NXPE1: variants seen among roughly 807,000 people sequenced by gnomAD.
NXPE1 encodes NXPE family member 1.
In NXPE1, 31 loss-of-function variants were observed where a neutral mutation model predicts 33.3. The observed-to-expected ratio is 0.93, with a 90% CI of 0.70 to 1.26. NXPE1 has a LOEUF of 1.26. Among genes scored for constraint, NXPE1 ranks in the 50% most tolerant of loss-of-function variants. The pLI is 0.00. For missense variants in NXPE1, 661 were observed against 655.6 expected (o/e 1.01, Z -0.09); for synonymous variants, 229 against 231.4 (o/e 0.99, Z 0.09).
chr11:114,529,613 C>T (rs1947500819), intron 6 of NXPE1: 1 of 153,464 alleles, frequency 6.5e-6, no homozygotes, highest in Admixed American at 6.4e-5. Flanking sequence ...AAGGACTCCT[C>T]CACCCTGAGA....
At chr11:114,530,662 C>A (rs1483912189) in exon 6 of NXPE1, 1 of 1,614,180 alleles carries the variant, frequency 6.2e-7, no homozygotes, top group South Asian at 1.1e-5. Flanking sequence ...TCCAGCTGGT[C>A]TCCCCTGCAG....
intron 5 of NXPE1, among the ~76,000 whole-genome samples, chr11:114,535,079 T>C (rs1312369226): frequency 6.6e-6 from 1 of 152,196 alleles, no homozygotes; most frequent in African/African-American, 2.4e-5. Flanking sequence ...TAACAGCTGA[T>C]CTCTTGCCAG....
chr11:114,547,728 C>T (rs1948330841), intron 5 of NXPE1, among the ~76,000 whole-genome samples: 1 of 152,106 alleles, frequency 6.6e-6, no homozygotes, highest in Non-Finnish European at 1.5e-5. Flanking sequence ...GAGCAAGACT[C>T]TGTCTCAAAA....
chr11:114,522,481 A>ATGAAGATCAAAAAACTTCAGTGC lies in NXPE1; in HGVS notation c.1109-1_1130dup (p.His377GlnfsTer3), dbSNP rs1947243628. 1 of 1,602,584 alleles carries ATGAAGATCAAAAAACTTCAGTGC rather than the reference A, an allele frequency of 6.2e-7. No homozygotes were observed. Among genetic ancestry groups the ATGAAGATCAAAAAACTTCAGTGC allele is most frequent in the South Asian group, 1.1e-5 (1 of 89,280 alleles). On this transcript the variant is annotated stop_gained and frameshift_variant, in exon 9 of 9. Coordinates refer to ENST00000534921, the Ensembl canonical transcript of NXPE1. LOFTEE classifies it low-confidence loss of function (END_TRUNC). ...AATGTTTCTTAAAGATTCCAGTTTCATGAAGATCAAAAAACTTCAGTGCTG... is the reference window on the plus strand; with the variant it reads ...AATGTTTCTTAAAGATTCCAGTTTCATGAAGATCAAAAAACTTCAGTGCTGAAGATCAAAAAACTTCAGTGCTG...
intron 1 of NXPE1, chr11:114,554,002 A>G: frequency 4.1e-6 from 4 of 985,396 alleles, no homozygotes; most frequent in Non-Finnish European, 4.8e-6. Flanking sequence ...GTCCAATTGC[A>G]ATGTTTTTTC....
At chr11:114,527,975 A>G (rs1947432377) in intron 6 of NXPE1, 74 bp from the exon 7 acceptor site, 1 of 1,126,706 alleles carries the variant, frequency 8.9e-7, no homozygotes, top group Non-Finnish European at 1.3e-6. Context: ...TCTGCTTGTG[A>G]GTGAAGGAAA....
chr11:114,549,446 G>A (rs78349624), intron 5 of NXPE1, among the ~76,000 whole-genome samples: 10 of 151,974 alleles, frequency 6.6e-5, no homozygotes, highest in East Asian at 1.9e-4. Context: ...ATTTTGTTCC[G>A]TTTTTAATGT....
chr11:114,534,535 G>GA (rs1005069585), intron 5 of NXPE1, among the ~76,000 whole-genome samples: 2 of 151,902 alleles, frequency 1.3e-5, no homozygotes, highest in South Asian at 2.1e-4. Flanking sequence ...TAAAAACTTT[G>GA]AAAAAAAATT....
At chr11:114,536,465 C>T (rs925789746) in intron 5 of NXPE1, among the ~76,000 whole-genome samples, 3 of 152,022 alleles carry the variant, frequency 2.0e-5, no homozygotes, top group Admixed American at 6.6e-5. Context: ...AGACAAAAAA[C>T]CCTTCAAAAA....
At chr11:114,550,284 G>T (rs1258984278) in intron 5 of NXPE1, among the ~76,000 whole-genome samples, 1 of 152,114 alleles carries the variant, frequency 6.6e-6, no homozygotes, top group Non-Finnish European at 1.5e-5. Context: ...AAAGCCAAAA[G>T]TGTTGGGTGT....
chr11:114,551,173 G>A (rs78257939), exon 5 of NXPE1: 5 of 1,534,904 alleles, frequency 3.3e-6, no homozygotes, highest in East Asian at 2.4e-5. Flanking sequence ...GATCAGCAGC[G>A]TTTTTTGAAG....
chr11:114,524,705 G>A (rs1367554221), intron 7 of NXPE1, among the ~76,000 whole-genome samples: 1 of 152,122 alleles, frequency 6.6e-6, no homozygotes, highest in Non-Finnish European at 1.5e-5. Context: ...TGAGAACATA[G>A]CCTTTAAGTG....
chr11:114,522,878 C>G lies in NXPE1; in HGVS notation c.1108+1G>C. 7 of 1,606,942 alleles carry G rather than the reference C, an allele frequency of 4.4e-6. No homozygotes were observed. Among genetic ancestry groups the G allele is most frequent in the Non-Finnish European group, 6.0e-6 (7 of 1,173,734 alleles). On this transcript the variant is annotated splice_donor_variant, in intron 8 of 8. Transcript: ENST00000534921. LOFTEE classifies it high-confidence loss of function. ...TAAGAGAATATAAAGTAACTACCTA[C>G]TTTTTACAACTTTGGGGAAGTAGTA... is the stretch of plus-strand genomic sequence containing the variant.
intron 1 of NXPE1, among the ~76,000 whole-genome samples, chr11:114,559,356 A>G (rs1390670535): frequency 1.3e-5 from 2 of 152,196 alleles, no homozygotes; most frequent in African/African-American, 4.8e-5. Context: ...TTCCTGTGAC[A>G]TATTCATACA....
intron 6 of NXPE1, chr11:114,528,753 G>C: frequency 1.6e-6 from 1 of 614,052 alleles, no homozygotes. Flanking sequence ...ATTAAGGGGA[G>C]AATGAGGACC....
At chr11:114,559,462 T>C (rs760625940) in intron 1 of NXPE1, among the ~76,000 whole-genome samples, 1 of 152,196 alleles carries the variant, frequency 6.6e-6, no homozygotes, top group Admixed American at 6.5e-5. Flanking sequence ...TCCAACTAGA[T>C]GTTAGGTTGA....
rs1440975955 is a variant in NXPE1 at position 114,551,224 on chromosome 11, A to C, written c.-10-13T>G. 3.4e-6 allele frequency: 5 copies of C among 1,485,900 alleles called. No individual in the cohort carries two copies. Among genetic ancestry groups the C allele is most frequent in the Non-Finnish European group, 4.5e-6 (5 of 1,101,790 alleles). The allele number at this position is 1,485,900 out of a possible 1,614,324, so 92.0% of individuals were successfully genotyped here. A position where few individuals can be genotyped will look rare whatever the true frequency, so the allele number is the denominator to read the frequency against. On this transcript the variant is annotated splice_polypyrimidine_tract_variant and intron_variant, in intron 4 of 8. Coordinates refer to ENST00000534921, the Ensembl canonical transcript of NXPE1. ...CATGACGAATGTCCTAGGAGAGATG[A>C]CACAAGAGAGGAGTCGTGAGAAGTG... is the stretch of plus-strand genomic sequence containing the variant.
chr11:114,519,074 T>C (rs1947145962), downstream of NXPE1, among the ~76,000 whole-genome samples: 1 of 152,192 alleles, frequency 6.6e-6, no homozygotes, highest in Admixed American at 6.5e-5. Flanking sequence ...CCAGAATGTC[T>C]AGGCATAATG....
At chr11:114,537,946 G>A (rs188365760) in intron 5 of NXPE1, among the ~76,000 whole-genome samples, 2,007 of 152,166 alleles carry the variant, frequency 0.013, 27 homozygotes, top group Non-Finnish European at 0.021. Context: ...AAGTTCATAT[G>A]GAACCAAAAA....
Sources: gnomAD v4.1 joint callset for allele counts (sites outside exome capture counted in the v4.1 genomes callset) on GRCh38, gnomAD v4.1.1 for gene constraint, MANE v1.5 for transcripts, NCBI Gene and HGNC (gene_info 2026-07-23, HGNC 2026-07-21) for gene names.